GNAQ: variants seen among roughly 807,000 people sequenced by gnomAD.
GNAQ encodes the protein guanine nucleotide-binding protein G(q) subunit alpha.
In GNAQ, 8 loss-of-function variants were observed where a neutral mutation model predicts 43.9. The observed-to-expected ratio is 0.18, with a 90% CI of 0.11 to 0.33. The LOEUF (loss-of-function observed/expected upper bound fraction) is 0.33, where lower values mean the gene tolerates loss of function less well. Among genes scored for constraint, GNAQ ranks in the 10% least tolerant of loss-of-function variants. GNAQ has a pLI of 1.00. For missense variants in GNAQ, 158 were observed against 450.8 expected, an observed-to-expected ratio of 0.35 and a Z score of 5.88; for synonymous variants, 155 against 170.7, an observed-to-expected ratio of 0.91 and a Z score of 0.71.
intron 2 of GNAQ, among the ~76,000 whole-genome samples, chr9:77,863,216 A>AAGGGAGGG (rs748887788): frequency 1.3e-5 from 2 of 148,976 alleles, no homozygotes; most frequent in African/African-American, 5.1e-5. Context: ...GGAAGGAAGG[A>AAGGGAGGG]AGGGAGGAAG....
intron 2 of GNAQ, among the ~76,000 whole-genome samples, chr9:77,839,934 T>C (rs768062918): frequency 1.3e-5 from 2 of 152,236 alleles, no homozygotes; most frequent in Non-Finnish European, 2.9e-5. Context: ...TTAACACTTC[T>C]GAGACTTCTG....
At chr9:77,723,812 T>C (rs1175177446) in intron 6 of GNAQ, among the ~76,000 whole-genome samples, 3 of 152,282 alleles carry the variant, frequency 2.0e-5, no homozygotes, top group East Asian at 3.9e-4. Context: ...TGCTGCTTAA[T>C]TGGGGTGGTG....
chr9:77,882,358 G>A (rs896200666), intron 2 of GNAQ, among the ~76,000 whole-genome samples: 3 of 152,112 alleles, frequency 2.0e-5, no homozygotes, highest in African/African-American at 7.2e-5. Flanking sequence ...GAACCCAGAA[G>A]CTTAAAAAAA....
At chr9:77,800,165 C>T (rs576101306) in intron 3 of GNAQ, among the ~76,000 whole-genome samples, 7 of 151,698 alleles carry the variant, frequency 4.6e-5, no homozygotes, top group Non-Finnish European at 5.9e-5. Flanking sequence ...GTCAGTGTGG[C>T]GATTCCTCAG....
intron 1 of GNAQ, among the ~76,000 whole-genome samples, chr9:77,985,991 C>T (rs537052152): frequency 1.6e-4 from 24 of 152,176 alleles, no homozygotes; most frequent in South Asian, 4.1e-4. Context: ...TGACTGTATA[C>T]GGCCTTAATA....
intron 2 of GNAQ, among the ~76,000 whole-genome samples, chr9:77,872,722 C>T (rs1303309642): frequency 1.3e-5 from 2 of 152,152 alleles, no homozygotes; most frequent in African/African-American, 2.4e-5. Context: ...CAAGTTCACA[C>T]ACCAAGACTC....
intron 1 of GNAQ, among the ~76,000 whole-genome samples, chr9:77,973,028 AAC>A (rs1823257382): frequency 6.7e-6 from 1 of 150,128 alleles, no homozygotes; most frequent in African/African-American, 2.5e-5. Flanking sequence ...AAAAAAAAAA[AAC>A]AAGACATACC....
At chr9:77,989,583 T>A (rs1823483667) in intron 1 of GNAQ, among the ~76,000 whole-genome samples, 1 of 152,238 alleles carries the variant, frequency 6.6e-6, no homozygotes, top group South Asian at 2.1e-4. Flanking sequence ...CTAGTCTGGC[T>A]GCATATGGCT....
intron 4 of GNAQ, among the ~76,000 whole-genome samples, chr9:77,796,394 G>T (rs1224558844): frequency 6.6e-6 from 1 of 151,948 alleles, no homozygotes; most frequent in Non-Finnish European, 1.5e-5. Context: ...TGGGGTGGGC[G>T]CTCCTAGAAA....
intron 2 of GNAQ, among the ~76,000 whole-genome samples, chr9:77,877,292 G>T (rs961458376): frequency 1.3e-5 from 2 of 152,056 alleles, no homozygotes; most frequent in Non-Finnish European, 2.9e-5. Flanking sequence ...CATTATAAGG[G>T]TATCATTGGT....
At chr9:77,731,505 A>G (rs116681781) in intron 5 of GNAQ, among the ~76,000 whole-genome samples, 10 of 152,324 alleles carry the variant, frequency 6.6e-5, no homozygotes, top group African/African-American at 2.4e-4. Context: ...CTGCGCTTCT[A>G]GCTCAGGGGA....
At chr9:78,015,202 C>T (rs1194851008) in intron 1 of GNAQ, among the ~76,000 whole-genome samples, 2 of 152,252 alleles carry the variant, frequency 1.3e-5, no homozygotes, top group South Asian at 2.1e-4. Context: ...TACAAAAGCC[C>T]GCAGCGTTCA....
At chr9:78,015,256 G>A (rs959549619) in intron 1 of GNAQ, among the ~76,000 whole-genome samples, 3 of 152,140 alleles carry the variant, frequency 2.0e-5, no homozygotes, top group Non-Finnish European at 4.4e-5. Context: ...GGAACAATAG[G>A]CTTTACCACA....
chr9:77,860,471 C>T (rs960260590), intron 2 of GNAQ, among the ~76,000 whole-genome samples: 8 of 152,098 alleles, frequency 5.3e-5, no homozygotes, highest in African/African-American at 1.4e-4. Flanking sequence ...GTAGGTGAGG[C>T]GGCGGGGGGA....
At position 77,853,217 on chromosome 9, in the gene GNAQ, G is replaced by C. The variant is rs114877189; in HGVS notation, c.322-37447C>G. On this transcript the variant is annotated intron_variant, in intron 2 of 6. Transcript: ENST00000286548. Reference sequence around the variant, plus strand: ...GAACAAAGAGAATTTGTTGGCAGCTGTCAAGAGTCAGCTCTGAGCTGGAGT... The same window carrying C: ...GAACAAAGAGAATTTGTTGGCAGCTCTCAAGAGTCAGCTCTGAGCTGGAGT... 8.9e-3 allele frequency among the ~76,000 whole-genome samples: 1,361 copies of C among 152,216 alleles called. 21 individuals are homozygous for C. The highest frequency in any genetic ancestry group is 0.031 in the African/African-American group (1,287 of 41,540).
intron 1 of GNAQ, among the ~76,000 whole-genome samples, chr9:77,982,062 C>T (rs565971267): frequency 4.6e-5 from 7 of 152,300 alleles, no homozygotes; most frequent in African/African-American, 4.8e-5. Context: ...ATCAAGCCAT[C>T]CCAGGCCAAT....
intron 2 of GNAQ, among the ~76,000 whole-genome samples, chr9:77,843,374 G>C (rs1827522753): frequency 6.6e-6 from 1 of 152,196 alleles, no homozygotes; most frequent in African/African-American, 2.4e-5. Context: ...GCTAAGGTGA[G>C]AGACACAGCC....
In GNAQ at chr9:78,031,223, A is replaced by C; in HGVS notation, c.13T>G (p.Ser5Ala). Residue 5 changes from serine (S) to alanine (A), a missense_variant, in exon 1 of 7, where the codon TCC (serine) becomes GCC (alanine). Transcript: ENST00000286548. MTLE[S>A]IMACCLSEEA... Reference sequence around the variant, plus strand: ...TCGCTCAGGCAGCACGCCATGATGGACTCCAGAGTCATTCTTCCAAAGTGC... The same window carrying C: ...TCGCTCAGGCAGCACGCCATGATGGCCTCCAGAGTCATTCTTCCAAAGTGC... 6.5e-7 allele frequency: 1 copy of C among 1,527,766 alleles called. No homozygotes were observed. The highest frequency in any genetic ancestry group is 8.8e-7 in the Non-Finnish European group (1 of 1,133,888). The allele number at this position is 1,527,766 out of a possible 1,614,324, so 94.6% of individuals were successfully genotyped here. A position where few individuals can be genotyped will look rare whatever the true frequency, so the allele number is the denominator to read the frequency against.
At chr9:77,922,653 G>C (rs893364849) in intron 1 of GNAQ, among the ~76,000 whole-genome samples, 6 of 152,162 alleles carry the variant, frequency 3.9e-5, no homozygotes, top group African/African-American at 7.2e-5. Flanking sequence ...AATGGCAACA[G>C]CATCTTTTGA....
Sources: gnomAD v4.1 joint callset for allele counts (sites outside exome capture counted in the v4.1 genomes callset) on GRCh38, gnomAD v4.1.1 for gene constraint, MANE v1.5 for transcripts, NCBI Gene and HGNC (gene_info 2026-07-23, HGNC 2026-07-21) for gene names.